Variants in RMDN2 observed in about 807,000 individuals in gnomAD.
The protein encoded by RMDN2 is regulator of microtubule dynamics 2.
RMDN2 carries 61 observed loss-of-function variants against 52.8 expected under a neutral mutation model. The observed-to-expected ratio is 1.16, with a 90% confidence interval of 0.94 to 1.43. RMDN2 has a LOEUF of 1.43. Among genes scored for constraint, RMDN2 ranks in the 40% most tolerant of loss-of-function variants. RMDN2 has a pLI of 0.00. For missense variants in RMDN2, 592 were observed against 475.3 expected, an observed-to-expected ratio of 1.25 and a Z score of -2.28; for synonymous variants, 180 against 153.1, an observed-to-expected ratio of 1.18 and a Z score of -1.30.
At chr2:37,979,606 T>TAAAG (rs959788689) in intron 4 of RMDN2, among the ~76,000 whole-genome samples, 14 of 152,352 alleles carry the variant, frequency 9.2e-5, no homozygotes, top group African/African-American at 2.9e-4. Flanking sequence ...AATCTTTATT[T>TAAAG]AAAGAAACAT....
intron 5 of RMDN2, among the ~76,000 whole-genome samples, chr2:37,983,455 T>C (rs1411423936): frequency 1.3e-5 from 2 of 152,322 alleles, no homozygotes; most frequent in Non-Finnish European, 2.9e-5. Context: ...TTAACCCCAG[T>C]ATTAAATCTT....
upstream of RMDN2, among the ~76,000 whole-genome samples, chr2:37,922,692 AT>A (rs1666064165): frequency 6.6e-6 from 1 of 152,196 alleles, no homozygotes; most frequent in Non-Finnish European, 1.5e-5. Context: ...GGCATTTTGT[AT>A]TCATTGAAAC....
chr2:37,967,557 T>G (rs1394878218), intron 2 of RMDN2, among the ~76,000 whole-genome samples: 1 of 152,242 alleles, frequency 6.6e-6, no homozygotes, highest in Non-Finnish European at 1.5e-5. Context: ...TTGTTGACTT[T>G]CTAGAAGACC....
At chr2:38,043,772 T>A (rs1681106217) in intron 10 of RMDN2, among the ~76,000 whole-genome samples, 2 of 152,082 alleles carry the variant, frequency 1.3e-5, no homozygotes, top group African/African-American at 4.8e-5. Flanking sequence ...CTTTTAGTAA[T>A]ATATTCCAGA....
chr2:37,958,924 T>C (rs1669834527), intron 2 of RMDN2, among the ~76,000 whole-genome samples: 1 of 151,048 alleles, frequency 6.6e-6, no homozygotes. Flanking sequence ...GTCTCACTTG[T>C]CATTGATTCT....
intron 2 of RMDN2, among the ~76,000 whole-genome samples, chr2:37,956,887 T>C (rs4961030): frequency 0.4 from 61,130 of 151,738 alleles, 13,273 homozygotes; most frequent in South Asian, 0.52. Flanking sequence ...CTCCCACTTA[T>C]GAGTGAGAAC....
At chr2:37,957,055 C>G (rs1337305434) in intron 2 of RMDN2, among the ~76,000 whole-genome samples, 1 of 152,120 alleles carries the variant, frequency 6.6e-6, no homozygotes, top group African/African-American at 2.4e-5. Context: ...CAGTCTATCA[C>G]TCATGGGCAT....
intron 5 of RMDN2, among the ~76,000 whole-genome samples, chr2:37,989,273 T>G (rs1446296): frequency 0.63 from 95,253 of 151,940 alleles, 32,494 homozygotes; most frequent in African/African-American, 0.9. Context: ...TATGTCCTGG[T>G]CACTGTTCTA....
At chr2:38,022,132 A>G, downstream of RMDN2, among the ~76,000 whole-genome samples, 1 of 152,224 alleles carries the variant, frequency 6.6e-6, no homozygotes, top group Non-Finnish European at 1.5e-5. Context: ...GTTACTCACA[A>G]CGGATATATA....
At chr2:37,923,419 T>C (rs1666087125), upstream of RMDN2, 1 of 152,230 alleles carries the variant, frequency 6.6e-6, no homozygotes, top group Non-Finnish European at 1.5e-5. Flanking sequence ...AAGCCTCTTC[T>C]GTGCAATGTG....
chr2:37,955,337 A>G (rs767440315), intron 2 of RMDN2, among the ~76,000 whole-genome samples: 17 of 152,116 alleles, frequency 1.1e-4, no homozygotes, highest in African/African-American at 1.9e-4. Context: ...CTTTTCATAT[A>G]TGGCCTTTAA....
At chr2:37,995,342 C>G (rs1239176053) in intron 7 of RMDN2, among the ~76,000 whole-genome samples, 2 of 151,294 alleles carry the variant, frequency 1.3e-5, no homozygotes, top group Non-Finnish European at 2.9e-5. Context: ...ACTACTACTA[C>G]TACTACTACT....
At chr2:37,934,056 A>G (rs1667088312) in intron 2 of RMDN2, among the ~76,000 whole-genome samples, 1 of 152,180 alleles carries the variant, frequency 6.6e-6, no homozygotes, top group Admixed American at 6.5e-5. Flanking sequence ...CTTGATAGCA[A>G]AAATTAAAAT....
intron 10 of RMDN2, among the ~76,000 whole-genome samples, chr2:38,009,275 T>C (rs1378050086): frequency 5.3e-5 from 8 of 152,256 alleles, no homozygotes; most frequent in African/African-American, 1.7e-4. Context: ...GGGGAAGTTC[T>C]CCTGGATGAT....
rs1341467774 is a variant in RMDN2, at chr2:37,997,454, T to C, written c.984T>C (p.Ala328=). The C allele has an allele frequency of 6.2e-7, 1 of 1,613,918 alleles. No individual in the cohort carries two copies. The highest frequency in any genetic ancestry group is 8.5e-7 in the Non-Finnish European group (1 of 1,179,848). Reference sequence around the variant, plus strand: ...GCTGGATTGAGAAAAAAATGGCTGCTACTCTGTTTGGAAAAATACCATCTT... The same window carrying C: ...GCTGGATTGAGAAAAAAATGGCTGCCACTCTGTTTGGAAAAATACCATCTT... ...KLSWIEKKMA[A]TLFGKIPSST... is the part of the protein sequence containing the mutation. Residue 328 remains alanine (A), a synonymous_variant, in exon 8 of 11, where the codon GCT becomes GCC. Transcript: ENST00000354545.
intron 2 of RMDN2, among the ~76,000 whole-genome samples, chr2:37,942,882 G>A (rs931735428): frequency 2.0e-5 from 3 of 152,202 alleles, no homozygotes; most frequent in African/African-American, 7.2e-5. Context: ...AATCTAGCAA[G>A]ATGGTAAAGA....
chr2:37,992,363 A>G (rs572305920), intron 7 of RMDN2, among the ~76,000 whole-genome samples: 89 of 152,356 alleles, frequency 5.8e-4, no homozygotes, highest in African/African-American at 2.1e-3. Context: ...TGGTTGTAAG[A>G]TGGCAAAGTC....
intron 10 of RMDN2, among the ~76,000 whole-genome samples, chr2:38,038,893 A>G (rs1680769014): frequency 6.6e-6 from 1 of 152,060 alleles, no homozygotes; most frequent in Non-Finnish European, 1.5e-5. Context: ...CGCCCCTTTC[A>G]GCACTCGGAG....
rs372805438 is a variant in RMDN2 at position 37,974,230 on chromosome 2, A to G, written c.627+16A>G. On this transcript the variant is annotated intron_variant, in intron 3 of 10. Coordinates refer to ENST00000354545, the MANE Select transcript of RMDN2 (RefSeq NM_001170791.3). ...CAAAGAAAAGGTAAGAGACATAACA[A>G]TAGCACTTCGTATAGTTCCATTTTT... is the stretch of plus-strand genomic sequence containing the variant. 104 of 1,582,686 alleles carry G rather than the reference A, an allele frequency of 6.6e-5. No individual in the cohort carries two copies. In the Middle Eastern group the frequency reaches 2.0e-3, roughly 30 times the overall value.
Sources: gnomAD v4.1 joint callset for allele counts (sites outside exome capture counted in the v4.1 genomes callset) on GRCh38, gnomAD v4.1.1 for gene constraint, MANE v1.5 for transcripts, NCBI Gene and HGNC (gene_info 2026-07-23, HGNC 2026-07-21) for gene names.